The following NCKAP5 variants were observed in gnomAD, a reference collection of about 807,000 sequenced individuals.
NCKAP5 encodes the protein NCK associated protein 5, also known as nck-associated protein 5.
A neutral mutation model predicts 167.0 loss-of-function variants in NCKAP5; 92 were observed. That is an observed-to-expected ratio of 0.55 (90% CI 0.47 to 0.66). NCKAP5 has a LOEUF of 0.66. Ranked by LOEUF, NCKAP5 falls within the 30% of genes least tolerant of loss-of-function variation. The pLI is 0.00. For missense variants in NCKAP5, 2,378 were observed against 2,315.0 expected (o/e 1.03, Z -0.56); for synonymous variants, 891 against 877.4 (o/e 1.02, Z -0.27).
At chr2:132,685,511 C>G (rs921956989) in intron 19 of NCKAP5, among the ~76,000 whole-genome samples, 2 of 152,126 alleles carry the variant, frequency 1.3e-5, no homozygotes, top group Non-Finnish European at 2.9e-5. Context: ...GACAGGGTAC[C>G]TTCTAAACCT....
chr2:133,547,064 G>C (rs1398734330), intron 2 of NCKAP5, among the ~76,000 whole-genome samples: 2 of 152,208 alleles, frequency 1.3e-5, no homozygotes, highest in Non-Finnish European at 2.9e-5. Flanking sequence ...TGCCTCACTT[G>C]GGAAGTGCAA....
At chr2:132,888,418 G>T (rs1692424580) in intron 8 of NCKAP5, among the ~76,000 whole-genome samples, 1 of 151,984 alleles carries the variant, frequency 6.6e-6, no homozygotes, top group African/African-American at 2.4e-5. Flanking sequence ...TTGAGACAGG[G>T]TCTCTTGCCA....
Position 132,743,764 on chromosome 2 carries a change from G to T in NCKAP5, c.5129-11713C>A, listed in dbSNP as rs182514379. On this transcript the variant is annotated intron_variant, in intron 16 of 19. Coordinates refer to ENST00000409261, the MANE Select transcript of NCKAP5 (RefSeq NM_207363.3). ...GTCAGATTGGATAAAATAAAAATTG[G>T]TATACAAAATATACCTATTTATATG... Among the ~76,000 whole-genome samples the T allele has an allele frequency of 6.0e-3, 913 of 151,468 alleles. 25 individuals carry two copies. The highest frequency in any genetic ancestry group is 0.055 in the Admixed American group (830 of 15,198).
At chr2:133,539,674 A>T (rs1285337505) in intron 2 of NCKAP5, among the ~76,000 whole-genome samples, 1 of 152,172 alleles carries the variant, frequency 6.6e-6, no homozygotes, top group African/African-American at 2.4e-5. Flanking sequence ...AAATCTAGAA[A>T]AGACAATCAA....
intron 3 of NCKAP5, among the ~76,000 whole-genome samples, chr2:133,421,332 A>G (rs901642202): frequency 1.3e-5 from 2 of 152,134 alleles, no homozygotes; most frequent in African/African-American, 2.4e-5. Context: ...TTTGTTACAC[A>G]TGTCTCTAAT....
intron 14 of NCKAP5, 27 bp downstream of exon 14, chr2:132,781,913 T>C: frequency 6.3e-7 from 1 of 1,588,620 alleles, no homozygotes; most frequent in Non-Finnish European, 8.6e-7. Flanking sequence ...CCCCTCTACA[T>C]TGCTACCTGC....
At chr2:133,339,840 T>G (rs767630550) in intron 3 of NCKAP5, among the ~76,000 whole-genome samples, 2 of 152,260 alleles carry the variant, frequency 1.3e-5, no homozygotes, top group Non-Finnish European at 2.9e-5. Context: ...TGTCCCATCC[T>G]GTAAGTAGGC....
intron 6 of NCKAP5, among the ~76,000 whole-genome samples, chr2:133,023,922 C>T (rs912846873): frequency 6.6e-6 from 1 of 152,114 alleles, no homozygotes; most frequent in Non-Finnish European, 1.5e-5. Flanking sequence ...TATTTATAAT[C>T]AGCAAGGAAC....
At position 132,783,872 on chromosome 2, in the gene NCKAP5, G is replaced by A. The variant is rs1239165670; in HGVS notation, c.2939C>T (p.Pro980Leu). The change falls in exon 14 of 20, where the codon CCA becomes CTA. Residue 980 changes from proline to leucine, a missense_variant. This residue lies in a region of NCKAP5 where 1,325 missense variants were observed against 1,274.5 expected (regional missense o/e 1.04). Transcript: ENST00000409261. ...KSPLLKGISA[P>L]VISSNPATTE... Reference sequence around the variant, plus strand: ...CGTGGCCGGATTAGAAGAAATAACTGGAGCAGAAATTCCTTTCAGCAGCGG... The same window carrying A: ...CGTGGCCGGATTAGAAGAAATAACTAGAGCAGAAATTCCTTTCAGCAGCGG... 3.9e-6 allele frequency: 6 copies of A among 1,529,738 alleles called. No homozygotes were observed. Among genetic ancestry groups the A allele is most frequent in the Non-Finnish European group, 4.4e-6 (5 of 1,140,902 alleles). The allele number at this position is 1,529,738 out of a possible 1,614,324, so 94.8% of individuals were successfully genotyped here. A position where few individuals can be genotyped will look rare whatever the true frequency, so the allele number is the denominator to read the frequency against.
intron 3 of NCKAP5, among the ~76,000 whole-genome samples, chr2:133,343,207 A>C (rs1213111481): frequency 1.3e-5 from 2 of 152,208 alleles, no homozygotes; most frequent in Non-Finnish European, 2.9e-5. Context: ...TTATCATGTT[A>C]TGTCACTGAA....
chr2:133,411,170 G>C (rs538443824), intron 3 of NCKAP5, among the ~76,000 whole-genome samples: 8 of 152,274 alleles, frequency 5.3e-5, no homozygotes, highest in African/African-American at 1.9e-4. Context: ...TTTCCAATGG[G>C]AACGCTGAAT....
chr2:133,385,743 C>G (rs1479733014), intron 3 of NCKAP5, among the ~76,000 whole-genome samples: 1 of 151,866 alleles, frequency 6.6e-6, no homozygotes, highest in Middle Eastern at 3.2e-3. Context: ...TTGGTCTATT[C>G]AGAGATTCAA....
intron 8 of NCKAP5, among the ~76,000 whole-genome samples, chr2:132,888,024 T>C (rs13411777): frequency 0.52 from 78,828 of 152,024 alleles, 21,376 homozygotes; most frequent in East Asian, 0.69. Context: ...TCAATTGAGA[T>C]GAGTAGTTTC....
intron 3 of NCKAP5, among the ~76,000 whole-genome samples, chr2:133,330,727 A>T (rs1652013748): frequency 6.6e-6 from 1 of 152,142 alleles, no homozygotes; most frequent in Non-Finnish European, 1.5e-5. Context: ...TGTCTGTACA[A>T]AAAACTAAAA....
chr2:133,218,502 C>T (rs2086526227), intron 4 of NCKAP5, among the ~76,000 whole-genome samples: 1 of 152,144 alleles, frequency 6.6e-6, no homozygotes, highest in African/African-American at 2.4e-5. Context: ...CTTGCAGTTC[C>T]TTTGAAAGGG....
At chr2:133,177,164 CTA>C (rs61395261) in intron 5 of NCKAP5, among the ~76,000 whole-genome samples, 49,724 of 138,480 alleles carry the variant, frequency 0.36, 10,249 homozygotes, top group Middle Eastern at 0.56. Context: ...GTTTTGTTTT[CTA>C]TATATATATA....
intron 6 of NCKAP5, 37 bp from the exon 7 acceptor site, chr2:132,994,276 G>A (rs201255304): frequency 1.4e-6 from 2 of 1,455,160 alleles, no homozygotes; most frequent in African/African-American, 1.4e-5. Flanking sequence ...CTTAAAGAAG[G>A]TTTCTAATTA....
At chr2:133,407,385 A>T (rs1688502785) in intron 3 of NCKAP5, among the ~76,000 whole-genome samples, 1 of 152,182 alleles carries the variant, frequency 6.6e-6, no homozygotes, top group Non-Finnish European at 1.5e-5. Context: ...TTCCAGTCCA[A>T]ACCAGACTGG....
the NCKAP5 span, among the ~76,000 whole-genome samples, chr2:133,616,026 C>T: frequency 2.0e-3 from 308 of 150,736 alleles, 6 homozygotes; most frequent in East Asian, 0.052. Context: ...TACATGGAAA[C>T]TGAACAACCT....
Sources: allele counts gnomAD v4.1 joint callset (sites outside exome capture counted in the v4.1 genomes callset), GRCh38; gene constraint gnomAD v4.1.1; regional missense constraint gnomAD v4.1.1; transcripts MANE v1.5; gene names NCBI Gene and HGNC (gene_info 2026-07-23, HGNC 2026-07-21).